CSMD1: variants seen among roughly 807,000 people sequenced by gnomAD.
CSMD1 encodes CUB and sushi domain-containing protein 1.
Under a neutral mutation model 417.5 loss-of-function variants are expected in CSMD1, and 213 were observed. The observed-to-expected ratio is 0.51, with a 90% CI of 0.46 to 0.57. The LOEUF (loss-of-function observed/expected upper bound fraction) is 0.57, where lower values mean the gene tolerates loss of function less well. CSMD1 is among the 20% of genes least tolerant of loss of function. CSMD1 has a pLI of 0.00. For missense variants in CSMD1, 6,923 were observed against 4,529.7 expected (o/e 1.53, Z -15.17); for synonymous variants, 2,862 against 1,736.8 (o/e 1.65, Z -16.11).
chr8:3,315,100 A>G (rs1442568104), intron 23 of CSMD1, among the ~76,000 whole-genome samples: 1 of 152,210 alleles, frequency 6.6e-6, no homozygotes, highest in Non-Finnish European at 1.5e-5. Flanking sequence ...TTTACCTAAG[A>G]CATTTCAATT....
At chr8:3,723,974 G>GC (rs1278628066) in intron 6 of CSMD1, among the ~76,000 whole-genome samples, 2 of 51,494 alleles carry the variant, frequency 3.9e-5, no homozygotes. Flanking sequence ...AATGTTGTGT[G>GC]AAAGAAAAAT....
intron 1 of CSMD1, among the ~76,000 whole-genome samples, chr8:4,662,297 GTAAC>G (rs148393775): frequency 0.037 from 5,660 of 152,150 alleles, 136 homozygotes; most frequent in Non-Finnish European, 0.059. Flanking sequence ...GTTTCTAAAA[GTAAC>G]TGAGTAATGA....
intron 3 of CSMD1, among the ~76,000 whole-genome samples, chr8:4,405,419 C>A (rs1045908152): frequency 6.6e-6 from 1 of 151,888 alleles, no homozygotes; most frequent in Non-Finnish European, 1.5e-5. Flanking sequence ...AGTTTCTTAA[C>A]CTCAGTTGTC....
intron 10 of CSMD1, among the ~76,000 whole-genome samples, chr8:3,562,757 G>A (rs1377362334): frequency 6.6e-6 from 1 of 151,812 alleles, no homozygotes; most frequent in East Asian, 1.9e-4. Context: ...ATAATAATAC[G>A]GAGCCTATTG....
At chr8:3,461,540 A>T (rs73497473) in intron 12 of CSMD1, among the ~76,000 whole-genome samples, 6,248 of 152,226 alleles carry the variant, frequency 0.041, 189 homozygotes, top group East Asian at 0.15. Flanking sequence ...CAAATTAGGC[A>T]ATGTGGTTGT....
At chr8:3,135,491 G>C (rs1818023004) in intron 41 of CSMD1, among the ~76,000 whole-genome samples, 1 of 135,378 alleles carries the variant, frequency 7.4e-6, no homozygotes, top group Non-Finnish European at 1.6e-5. Context: ...ACATGCTCTT[G>C]AGTGAAGTCT....
At chr8:4,096,223 T>C (rs1801001141) in intron 3 of CSMD1, among the ~76,000 whole-genome samples, 1 of 152,106 alleles carries the variant, frequency 6.6e-6, no homozygotes, top group Non-Finnish European at 1.5e-5. Flanking sequence ...ATAATTATAA[T>C]AATAATAAAA....
chr8:3,942,611 G>A (rs1323073098), intron 5 of CSMD1, among the ~76,000 whole-genome samples: 6 of 152,128 alleles, frequency 3.9e-5, no homozygotes, highest in Non-Finnish European at 7.3e-5. Context: ...AGGCGACATT[G>A]GTCCGGCCAT....
chr8:4,049,479 T>C (rs918226353), intron 3 of CSMD1, among the ~76,000 whole-genome samples: 3 of 151,798 alleles, frequency 2.0e-5, no homozygotes, highest in Admixed American at 6.6e-5. Context: ...TCAAATACCA[T>C]GCATATTTGA....
intron 33 of CSMD1, among the ~76,000 whole-genome samples, chr8:3,194,009 T>C (rs1334149574): frequency 1.3e-5 from 2 of 152,350 alleles, no homozygotes; most frequent in African/African-American, 4.8e-5. Context: ...AGTTTTCTTT[T>C]TGATGTAGTG....
intron 7 of CSMD1, among the ~76,000 whole-genome samples, chr8:3,701,764 T>C (rs1800884581): frequency 6.6e-6 from 1 of 152,196 alleles, no homozygotes; most frequent in Non-Finnish European, 1.5e-5. Flanking sequence ...TATACAGTAA[T>C]TGAGACATCA....
chr8:4,474,723 C>G (rs1800709644), intron 2 of CSMD1, among the ~76,000 whole-genome samples: 1 of 152,144 alleles, frequency 6.6e-6, no homozygotes, highest in Non-Finnish European at 1.5e-5. Context: ...ACTTTCTTCT[C>G]CCTCTGCCAT....
At chr8:4,011,388 C>T (rs759596895) in intron 4 of CSMD1, among the ~76,000 whole-genome samples, 3 of 152,216 alleles carry the variant, frequency 2.0e-5, no homozygotes, top group Admixed American at 6.5e-5. Context: ...TGCTTCCAGA[C>T]TCCACATTCC....
chr8:3,732,637 G>C (rs533197269), intron 6 of CSMD1, among the ~76,000 whole-genome samples: 1 of 152,070 alleles, frequency 6.6e-6, no homozygotes, highest in Non-Finnish European at 1.5e-5. Context: ...TTTTTGGTTT[G>C]TTTGCTTGTT....
At chr8:3,528,402 T>C (rs924197173) in intron 10 of CSMD1, among the ~76,000 whole-genome samples, 4 of 152,120 alleles carry the variant, frequency 2.6e-5, no homozygotes, top group Non-Finnish European at 4.4e-5. Context: ...TTAGCACTCG[T>C]GGGGGAAGGA....
intron 45 of CSMD1, 97 bp downstream of exon 45, chr8:3,107,621 A>G: frequency 4.3e-6 from 3 of 705,354 alleles, no homozygotes; most frequent in Non-Finnish European, 7.2e-6. Context: ...TCTCTGACAA[A>G]TTACTCATTA....
intron 1 of CSMD1, 104 bp downstream of exon 1, chr8:4,994,228 G>T (rs1811636095): frequency 3.1e-6 from 3 of 969,496 alleles, no homozygotes; most frequent in Non-Finnish European, 4.7e-6. Context: ...CCGGGCAGAG[G>T]CGGCCACTCC....
chr8:4,274,694 T>C (rs1796375963), intron 3 of CSMD1, among the ~76,000 whole-genome samples: 1 of 152,152 alleles, frequency 6.6e-6, no homozygotes, highest in African/African-American at 2.4e-5. Context: ...TAGAAGTGCA[T>C]CAGGTGCAAA....
intron 1 of CSMD1, among the ~76,000 whole-genome samples, chr8:4,819,479 A>C (rs928182697): frequency 2.0e-5 from 3 of 152,188 alleles, no homozygotes; most frequent in Non-Finnish European, 2.9e-5. Context: ...CATCCAACAT[A>C]ATACATATAT....
Sources: gnomAD v4.1 joint callset for allele counts (sites outside exome capture counted in the v4.1 genomes callset) on GRCh38, gnomAD v4.1.1 for gene constraint, MANE v1.5 for transcripts, NCBI Gene and HGNC (gene_info 2026-07-23, HGNC 2026-07-21) for gene names.